CNTNAP2: variants seen among roughly 807,000 people sequenced by gnomAD.
CNTNAP2 encodes contactin associated protein 2.
CNTNAP2 carries 98 observed loss-of-function variants against 155.2 expected under a neutral mutation model. The observed-to-expected ratio is 0.63, with a 90% CI of 0.54 to 0.75. The LOEUF is 0.75. CNTNAP2 is among the 30% of genes least tolerant of loss of function. The pLI is 0.00. For synonymous variants in CNTNAP2, 651 were observed against 631.2 expected (o/e 1.03, Z -0.47); for missense variants, 1,727 against 1,688.1 (o/e 1.02, Z -0.40).
chr7:147,311,118 G>A (rs1407535182), intron 9 of CNTNAP2, among the ~76,000 whole-genome samples: 4 of 152,114 alleles, frequency 2.6e-5, no homozygotes, highest in Admixed American at 2.0e-4. Flanking sequence ...AACTGACTTC[G>A]CAGGGTTCTT....
At chr7:146,613,650 A>T (rs188839398) in intron 1 of CNTNAP2, among the ~76,000 whole-genome samples, 14 of 152,334 alleles carry the variant, frequency 9.2e-5, no homozygotes, top group Non-Finnish European at 2.1e-4. Flanking sequence ...GATGTTGGAC[A>T]TATTTTTTAA....
At chr7:147,197,746 C>CT (rs1802834699) in intron 8 of CNTNAP2, among the ~76,000 whole-genome samples, 2 of 152,164 alleles carry the variant, frequency 1.3e-5, no homozygotes, top group Non-Finnish European at 2.9e-5. Flanking sequence ...TAAACAATGT[C>CT]TAAGGATATT....
intron 1 of CNTNAP2, among the ~76,000 whole-genome samples, chr7:146,637,351 A>G (rs1799616425): frequency 1.3e-5 from 2 of 152,340 alleles, no homozygotes; most frequent in East Asian, 1.9e-4. Context: ...TGCATTTTAT[A>G]CATTGATTGA....
chr7:146,569,336 A>G (rs1474024884), intron 1 of CNTNAP2, among the ~76,000 whole-genome samples: 2 of 152,120 alleles, frequency 1.3e-5, no homozygotes, highest in Non-Finnish European at 1.5e-5. Context: ...GGTTACTTCT[A>G]ATGTTGGAAG....
At chr7:146,990,081 A>C (rs1798183848) in intron 3 of CNTNAP2, among the ~76,000 whole-genome samples, 1 of 147,786 alleles carries the variant, frequency 6.8e-6, no homozygotes, top group African/African-American at 2.6e-5. Flanking sequence ...AATAAAAAAT[A>C]AAAAAAAAGG....
At chr7:147,273,967 T>C (rs940451541) in intron 8 of CNTNAP2, among the ~76,000 whole-genome samples, 3 of 148,292 alleles carry the variant, frequency 2.0e-5, no homozygotes, top group Non-Finnish European at 4.5e-5. Context: ...TTACATAACA[T>C]ATATTACATG....
Position 146,908,296 on chromosome 7 carries a change from C to T in CNTNAP2, c.402+68392C>T, listed in dbSNP as rs377432899. ...GAATTGAACTCAGCTCTGCACCAAG[C>T]GGACCTAATAGACATCTACAGAACT... is the stretch of plus-strand genomic sequence containing the variant. On this transcript the variant is annotated intron_variant, in intron 3 of 23. Coordinates refer to ENST00000361727, the MANE Select transcript of CNTNAP2 (RefSeq NM_014141.6). Among the ~76,000 whole-genome samples the T allele has an allele frequency of 1.6e-3, 244 of 149,888 alleles. 1 individual carries two copies. In the South Asian group the frequency reaches 0.022, roughly 13 times the overall value.
At chr7:147,540,846 A>T (rs1030678645) in intron 11 of CNTNAP2, among the ~76,000 whole-genome samples, 5 of 152,006 alleles carry the variant, frequency 3.3e-5, no homozygotes, top group African/African-American at 7.3e-5. Flanking sequence ...AAAAGAAACA[A>T]GTTAATGAAA....
chr7:147,060,942 GTAT>G lies in CNTNAP2; in HGVS notation c.550+16892_550+16894del, dbSNP rs545525189. ...ATACTAATCATATTTCTGAGATGTA[GTAT>G]TATGGATAACCTTTTTTATGTTTTT... is the stretch of plus-strand genomic sequence containing the variant. On this transcript the variant is annotated intron_variant, in intron 4 of 23. Transcript: ENST00000361727. 1.3e-4 allele frequency among the ~76,000 whole-genome samples: 20 copies of G among 152,264 alleles called. No homozygotes were observed. In the East Asian group the frequency reaches 3.5e-3, roughly 26 times the overall value.
At chr7:148,236,159 T>G (rs1262254033) in intron 20 of CNTNAP2, among the ~76,000 whole-genome samples, 1 of 152,200 alleles carries the variant, frequency 6.6e-6, no homozygotes, top group Non-Finnish European at 1.5e-5. Flanking sequence ...TGCTGGTAAA[T>G]GCACCCTAAG....
chr7:146,791,962 G>A (rs1364448824), intron 2 of CNTNAP2, among the ~76,000 whole-genome samples: 1 of 152,112 alleles, frequency 6.6e-6, no homozygotes, highest in Non-Finnish European at 1.5e-5. Flanking sequence ...GGATGGCTTA[G>A]TTGGAATAGA....
chr7:147,387,522 G>C (rs530202033), intron 9 of CNTNAP2, among the ~76,000 whole-genome samples: 2 of 151,992 alleles, frequency 1.3e-5, no homozygotes, highest in African/African-American at 4.8e-5. Flanking sequence ...GATTATAAAG[G>C]TATCTGCCTG....
chr7:148,264,494 A>G (rs1796631676), intron 20 of CNTNAP2, among the ~76,000 whole-genome samples: 1 of 152,218 alleles, frequency 6.6e-6, no homozygotes, highest in Non-Finnish European at 1.5e-5. Flanking sequence ...AAGTTAAAAA[A>G]TATACAAAAC....
intron 14 of CNTNAP2, among the ~76,000 whole-genome samples, chr7:147,944,383 TA>T (rs1368767810): frequency 6.6e-6 from 1 of 152,174 alleles, no homozygotes; most frequent in Non-Finnish European, 1.5e-5. Context: ...CAAGATGCAG[TA>T]AGGAGAAATA....
chr7:146,379,045 C>T (rs1795344599), intron 1 of CNTNAP2, among the ~76,000 whole-genome samples: 1 of 152,234 alleles, frequency 6.6e-6, no homozygotes, highest in Non-Finnish European at 1.5e-5. Flanking sequence ...CTCTGGCTCT[C>T]CTTTGCCTGC....
At chr7:147,901,886 G>A (rs1221310883) in intron 13 of CNTNAP2, among the ~76,000 whole-genome samples, 2 of 152,166 alleles carry the variant, frequency 1.3e-5, no homozygotes, top group Non-Finnish European at 2.9e-5. Flanking sequence ...TGACTATTAG[G>A]CCAAATGATA....
chr7:146,956,771 T>G (rs1240487249), intron 3 of CNTNAP2, among the ~76,000 whole-genome samples: 1 of 152,152 alleles, frequency 6.6e-6, no homozygotes, highest in African/African-American at 2.4e-5. Context: ...CATGTTTTCA[T>G]AGACTATTGT....
At chr7:147,044,449 C>A (rs2129255571) in intron 4 of CNTNAP2, among the ~76,000 whole-genome samples, 1 of 152,142 alleles carries the variant, frequency 6.6e-6, no homozygotes, top group African/African-American at 2.4e-5. Flanking sequence ...GTTTTGAAAA[C>A]ATTTCGAAGA....
intron 15 of CNTNAP2, among the ~76,000 whole-genome samples, chr7:148,041,379 A>G (rs1802671885): frequency 6.6e-6 from 1 of 152,226 alleles, no homozygotes. Context: ...GAAATAAGTT[A>G]CTGGGTTTTG....
Sources: gnomAD v4.1 joint callset for allele counts (sites outside exome capture counted in the v4.1 genomes callset) on GRCh38, gnomAD v4.1.1 for gene constraint, MANE v1.5 for transcripts, NCBI Gene and HGNC (gene_info 2026-07-23, HGNC 2026-07-21) for gene names.